SGSH: variants seen among roughly 807,000 people sequenced by gnomAD.
The protein encoded by SGSH is N-sulfoglucosamine sulfohydrolase.
Under a neutral mutation model 51.0 loss-of-function variants are expected in SGSH, and 48 were observed. The ratio of observed to expected loss-of-function variants is 0.94; its 90% CI spans 0.75 to 1.20. The LOEUF (loss-of-function observed/expected upper bound fraction) is 1.20. Among genes scored for constraint, SGSH ranks in the 50% most tolerant of loss-of-function variants. The pLI is 0.00. For missense variants in SGSH, 662 were observed against 717.8 expected, an observed-to-expected ratio of 0.92 and a Z score of 0.89; for synonymous variants, 321 against 313.4, an observed-to-expected ratio of 1.02 and a Z score of -0.26.
In SGSH at chr17:80,217,185, G is replaced by A. The variant is rs139850991; in HGVS notation, c.96C>T (p.Asp32=). ...TGTACGCGCCACTCTCAAAGCCTCC[G>A]TCATCCGCTGCGTGAGGTGGGAGAC... ...PRNALLLLAD[D]GGFESGAYNN... Residue 32 remains aspartate, a synonymous_variant, in exon 2 of 8, where the codon GAC becomes GAT. Coordinates refer to ENST00000326317, the MANE Select transcript of SGSH (RefSeq NM_000199.5). The A allele has an allele frequency of 2.6e-5, 42 of 1,599,102 alleles. No homozygotes were observed. The highest frequency in any genetic ancestry group is 3.2e-5 in the Non-Finnish European group (38 of 1,176,888).
downstream of SGSH, chr17:80,201,741 C>T (rs769576291): frequency 1.9e-6 from 3 of 1,614,016 alleles, no homozygotes; most frequent in South Asian, 3.3e-5. The surrounding 1 kb of genome is among the most constrained non-coding windows in gnomAD (Gnocchi z 5.0). Flanking sequence ...GACTTGCCCT[C>T]AGGTTGATTA....
At chr17:80,214,426 AC>A in intron 4 of SGSH, 98 bp from the exon 5 acceptor site, 1 of 1,424,742 alleles carries the variant, frequency 7.0e-7, no homozygotes, top group Non-Finnish European at 9.5e-7. Flanking sequence ...CTGGAAGTCA[AC>A]CTGTGACCCT....
Position 80,210,576 on chromosome 17 carries a change from T to A in SGSH, c.1385A>T (p.Glu462Val). Residue 462 changes from glutamate (E) to valine (V), a missense_variant, in exon 8 of 8, where the codon GAG (glutamate) becomes GTG (valine). Physicochemically the swap from Glu to Val is moderately radical, Grantham distance 121. Coordinates refer to ENST00000326317, the MANE Select transcript of SGSH (RefSeq NM_000199.5). ...ATDPRFAQLL[E>V]MLRDQLAKWQ... ...CTTGGCCAGCTGGTCCCGAAGCATC[T>A]CCAGAAGCTGAGCAAAGCGCGGGTC... 1 of 1,613,214 alleles carries A rather than the reference T, an allele frequency of 6.2e-7. No homozygotes were observed. Among genetic ancestry groups the A allele is most frequent in the Non-Finnish European group, 8.5e-7 (1 of 1,179,918 alleles).
chr17:80,215,391 C>G (rs193261968), intron 2 of SGSH, among the ~76,000 whole-genome samples: 369 of 152,360 alleles, frequency 2.4e-3, no homozygotes, highest in Admixed American at 5.2e-3. Flanking sequence ...CGAGGGTGGC[C>G]TTGATGTTCT....
rs1360057013 is a variant in SGSH at position 80,209,740 on chromosome 17, C to A, written c.*712G>T. ...AAGCCAGAGGACGGGCATCGCCATG[C>A]CTTCATCTTCGGACACTCTCAAAAA... On this transcript the variant is annotated 3_prime_UTR_variant, in exon 8 of 8. Transcript: ENST00000326317. The A allele has an allele frequency of 1.4e-5, 14 of 985,552 alleles. No homozygotes were observed. The highest frequency in any genetic ancestry group is 6.1e-5 in the Admixed American group (1 of 16,270). The allele number at this position is 985,552 out of a possible 1,614,324, so 61.1% of individuals were successfully genotyped here.
Position 80,217,204 on chromosome 17 carries a change from G to T in SGSH, c.89-12C>A. On this transcript the variant is annotated splice_polypyrimidine_tract_variant and intron_variant, in intron 1 of 7. Transcript: ENST00000326317. ...GCCTCCGTCATCCGCTGCGTGAGGTGGGAGACAGAGAGTGCACGGTCGGCT... is the reference window on the plus strand; with the variant it reads ...GCCTCCGTCATCCGCTGCGTGAGGTTGGAGACAGAGAGTGCACGGTCGGCT... The T allele has an allele frequency of 1.3e-6, 2 of 1,594,764 alleles. No homozygotes were observed. Among genetic ancestry groups the T allele is most frequent in the Non-Finnish European group, 8.5e-7 (1 of 1,176,058 alleles).
intron 3 of SGSH, 111 bp from the exon 4 acceptor site, chr17:80,214,876 G>C: frequency 7.2e-7 from 1 of 1,388,416 alleles, no homozygotes; most frequent in Non-Finnish European, 1.0e-6. Flanking sequence ...TGGACACACA[G>C]CCCAGCCAGG....
downstream of SGSH, chr17:80,205,096 G>A (rs778348484): frequency 1.9e-6 from 3 of 1,613,374 alleles, no homozygotes; most frequent in Admixed American, 1.7e-5. Flanking sequence ...CCCTGGTGCG[G>A]CCCCATCGAC....
chr17:80,202,754 G>A (rs1464088177), downstream of SGSH: 1 of 414,334 alleles, frequency 2.4e-6, no homozygotes, highest in Non-Finnish European at 3.8e-6. Context: ...CAGCATCCCT[G>A]GCCGCCCTAC....
In SGSH at chr17:80,209,587, CG is replaced by C. The variant is rs2041544783; in HGVS notation, c.*864del. The C allele has an allele frequency of 1.1e-6, 1 of 933,766 alleles. No homozygotes were observed. 57.8% of individuals were successfully genotyped at this position (933,766 alleles called of 1,614,324 possible). ...CGCCACCCAGCAACGCCAGTGTCAC[CG>C]AAGAATTAACCCAAGGCAGAGGATG... On this transcript the variant is annotated 3_prime_UTR_variant, in exon 8 of 8. Coordinates refer to ENST00000326317, the MANE Select transcript of SGSH (RefSeq NM_000199.5).
At position 80,210,369 on chromosome 17, in the gene SGSH, T is replaced by C; in HGVS notation, c.*83A>G. 6.8e-7 allele frequency: 1 copy of C among 1,473,826 alleles called. No homozygotes were observed. The highest frequency in any genetic ancestry group is 9.0e-7 in the Non-Finnish European group (1 of 1,112,750). 91.3% of individuals were successfully genotyped at this position (1,473,826 alleles called of 1,614,324 possible). ...TGGACGGAAGGGCTGTTGCCACTAC[T>C]CCCCAGGCTGGCCGGCCACACGGAC... is the stretch of plus-strand genomic sequence containing the variant. On this transcript the variant is annotated 3_prime_UTR_variant, in exon 8 of 8. Transcript: ENST00000326317.
intron 2 of SGSH, among the ~76,000 whole-genome samples, chr17:80,216,515 G>A (rs1423916974): frequency 6.6e-6 from 1 of 152,188 alleles, no homozygotes; most frequent in African/African-American, 2.4e-5. Flanking sequence ...CACTGTGAAT[G>A]CACTTAATGC....
intron 2 of SGSH, 125 bp downstream of exon 2, chr17:80,216,907 G>A (rs1489000327): frequency 2.2e-6 from 2 of 921,374 alleles, no homozygotes. Context: ...TCCTCCTGGA[G>A]GTGGGAGGGA....
downstream of SGSH, chr17:80,204,986 C>T: frequency 2.0e-6 from 3 of 1,470,756 alleles, no homozygotes; most frequent in Non-Finnish European, 2.7e-6. Flanking sequence ...GGTAGGCTGG[C>T]TGGGGGCTGC....
downstream of SGSH, chr17:80,204,251 C>A: frequency 6.3e-7 from 1 of 1,594,898 alleles, no homozygotes; most frequent in Non-Finnish European, 8.6e-7. Flanking sequence ...ACCACAGAAG[C>A]TGGTCCGCAT....
the SGSH span, chr17:80,201,620 T>G: frequency 1.0e-6 from 1 of 967,054 alleles, no homozygotes; most frequent in Non-Finnish European, 1.6e-6. The surrounding 1 kb of genome is among the most constrained non-coding windows in gnomAD (Gnocchi z 5.0). Context: ...GACCAAGGCG[T>G]GCAGGCAGTG....
At chr17:80,202,373 C>A (rs141122143), downstream of SGSH, 46 of 1,613,254 alleles carry the variant, frequency 2.9e-5, no homozygotes, top group East Asian at 2.7e-4. Context: ...TGAACTCTTA[C>A]ACCATGAAGG....
chr17:80,203,682 G>A (rs2041114227), downstream of SGSH: 3 of 617,880 alleles, frequency 4.9e-6, no homozygotes, highest in South Asian at 6.3e-5. The surrounding 1 kb of genome is among the most constrained non-coding windows in gnomAD (Gnocchi z 4.6). Flanking sequence ...CCAGCCTGCA[G>A]CAAAGGGATG....
At chr17:80,216,778 ATGAGGAAAC>A in intron 2 of SGSH, 1 of 552,184 alleles carries the variant, frequency 1.8e-6, no homozygotes, top group African/African-American at 1.9e-5. Flanking sequence ...CATCTTACAG[ATGAGGAAAC>A]TGAGGCACAA....
Sources: gnomAD v4.1 joint callset for allele counts (sites outside exome capture counted in the v4.1 genomes callset) on GRCh38, gnomAD v4.1.1 for gene constraint, Gnocchi (gnomAD v3.1) non-coding constraint, MANE v1.5 for transcripts, NCBI Gene and HGNC (gene_info 2026-07-23, HGNC 2026-07-21) for gene names.